FRAS1: variants seen among roughly 807,000 people sequenced by gnomAD.
FRAS1 encodes the protein extracellular matrix organizing protein FRAS1.
A neutral mutation model predicts 435.2 loss-of-function variants in FRAS1; 290 were observed. The ratio of observed to expected loss-of-function variants is 0.67; its 90% CI spans 0.61 to 0.73. The LOEUF (loss-of-function observed/expected upper bound fraction) is 0.73. Among genes scored for constraint, FRAS1 ranks in the 30% least tolerant of loss-of-function variants. FRAS1 has a pLI of 0.00. For missense variants in FRAS1, 4,860 were observed against 5,001.5 expected (o/e 0.97, Z 0.85); for synonymous variants, 1,800 against 1,851.0 (o/e 0.97, Z 0.71).
intron 18 of FRAS1, among the ~76,000 whole-genome samples, chr4:78,322,389 TGTGA>T (rs1729544410): frequency 6.6e-6 from 1 of 152,196 alleles, no homozygotes; most frequent in South Asian, 2.1e-4. Context: ...TGTGTGTGCG[TGTGA>T]GTGTGTGCGC....
chr4:78,199,775 G>A lies in FRAS1; in HGVS notation c.109-37735G>A, dbSNP rs576801379. Among the ~76,000 whole-genome samples the A allele has an allele frequency of 2.0e-5, 3 of 152,302 alleles. No homozygotes were observed. In the South Asian group the frequency reaches 6.2e-4, roughly 32 times the overall value. The stretch of plus-strand genomic sequence containing the variant: ...TGCATTAGGATCAATGATGGGCCGT[G>A]TGTAACCAGGCCCATGAGGTAACAA... On this transcript the variant is annotated intron_variant, in intron 2 of 73. Transcript: ENST00000512123.
chr4:78,109,547 C>A (rs1170471219), intron 2 of FRAS1, among the ~76,000 whole-genome samples: 1 of 139,808 alleles, frequency 7.2e-6, no homozygotes, highest in Non-Finnish European at 1.5e-5. Context: ...CAAAATTCAA[C>A]AACCCTTCAT....
At chr4:78,316,391 G>A (rs1362815466) in intron 16 of FRAS1, among the ~76,000 whole-genome samples, 1 of 152,106 alleles carries the variant, frequency 6.6e-6, no homozygotes, top group Non-Finnish European at 1.5e-5. Context: ...TCTACCTACT[G>A]TCTGTTAGTG....
chr4:78,235,491 G>T (rs1398054878), intron 2 of FRAS1, among the ~76,000 whole-genome samples: 4 of 152,168 alleles, frequency 2.6e-5, no homozygotes, highest in Admixed American at 6.5e-5. Flanking sequence ...GGAAAACAGG[G>T]TGAGAAAGTT....
chr4:78,104,003 C>T (rs954323963), intron 2 of FRAS1, among the ~76,000 whole-genome samples: 1 of 152,188 alleles, frequency 6.6e-6, no homozygotes, highest in African/African-American at 2.4e-5. Context: ...CAGTAGAATG[C>T]AACATGCACT....
At chr4:78,111,999 A>G (rs1742747918) in intron 2 of FRAS1, among the ~76,000 whole-genome samples, 1 of 152,166 alleles carries the variant, frequency 6.6e-6, no homozygotes, top group African/African-American at 2.4e-5. Context: ...TAAAAAATCC[A>G]GAAAAAAGCA....
intron 2 of FRAS1, among the ~76,000 whole-genome samples, chr4:78,076,356 C>A (rs891676769): frequency 1.1e-4 from 16 of 152,154 alleles, no homozygotes; most frequent in Non-Finnish European, 2.9e-5. Context: ...TCCTCCCCAC[C>A]ATCCTGAGGT....
At position 78,433,827 on chromosome 4, in the gene FRAS1, C is replaced by T. The variant is rs17003216; in HGVS notation, c.5217+1223C>T. On this transcript the variant is annotated intron_variant, in intron 38 of 73. Coordinates refer to ENST00000512123, the MANE Select transcript of FRAS1 (RefSeq NM_025074.7). The stretch of plus-strand genomic sequence containing the variant: ...AAATGTTTCACAGTCCAAAATAGCG[C>T]TCCAGGAGCAGTTCCTGCCCATTAA... Among the ~76,000 whole-genome samples the T allele has an allele frequency of 8.2e-3, 1,250 of 152,284 alleles. 8 individuals are homozygous for T. The highest frequency in any genetic ancestry group is 0.024 in the Middle Eastern group (7 of 294).
At chr4:78,212,881 G>C (rs915247525) in intron 2 of FRAS1, among the ~76,000 whole-genome samples, 3 of 152,238 alleles carry the variant, frequency 2.0e-5, no homozygotes, top group African/African-American at 7.2e-5. Flanking sequence ...TATCAGGGAA[G>C]CAAAGTTGAG....
intron 11 of FRAS1, among the ~76,000 whole-genome samples, 200 bp downstream of exon 11, chr4:78,281,633 A>G (rs1184867889): frequency 2.6e-5 from 4 of 152,204 alleles, no homozygotes; most frequent in Admixed American, 2.6e-4. Context: ...CAGTTGTTTT[A>G]TGCAGTTGAT....
intron 19 of FRAS1, among the ~76,000 whole-genome samples, chr4:78,334,408 G>A (rs1159256742): frequency 1.0e-4 from 12 of 115,300 alleles, no homozygotes; most frequent in Admixed American, 9.1e-4. Flanking sequence ...GTCTTGCTCC[G>A]TCACCAGGCT....
intron 2 of FRAS1, among the ~76,000 whole-genome samples, chr4:78,140,329 G>T (rs1231408600): frequency 6.6e-6 from 1 of 151,914 alleles, no homozygotes; most frequent in Non-Finnish European, 1.5e-5. Context: ...TGTTTGTAAG[G>T]ATTGGTTCCA....
At chr4:78,410,699 T>C (rs112724644) in intron 31 of FRAS1, among the ~76,000 whole-genome samples, 130 of 152,222 alleles carry the variant, frequency 8.5e-4, no homozygotes, top group Admixed American at 2.3e-3. Flanking sequence ...AGAAAAACAG[T>C]GGTGATTATT....
chr4:78,410,201 C>A (rs1476710277), intron 31 of FRAS1, among the ~76,000 whole-genome samples: 1 of 152,052 alleles, frequency 6.6e-6, no homozygotes, highest in Non-Finnish European at 1.5e-5. Context: ...TGGAGCACTT[C>A]CCTGGAAGGG....
At chr4:78,064,496 A>G (rs775920838) in intron 1 of FRAS1, among the ~76,000 whole-genome samples, 26 of 151,988 alleles carry the variant, frequency 1.7e-4, no homozygotes, top group Non-Finnish European at 3.4e-4. Context: ...GAAAGGCACA[A>G]GGGTGTCATA....
At chr4:78,099,076 C>A (rs181935433) in intron 2 of FRAS1, among the ~76,000 whole-genome samples, 20 of 152,312 alleles carry the variant, frequency 1.3e-4, no homozygotes, top group Middle Eastern at 3.4e-3. Context: ...TTCTTAAAAT[C>A]TCCTCATTGC....
chr4:78,529,469 C>T (rs1175154910), intron 70 of FRAS1, among the ~76,000 whole-genome samples: 1 of 152,146 alleles, frequency 6.6e-6, no homozygotes, highest in Non-Finnish European at 1.5e-5. Flanking sequence ...TCCAATCATA[C>T]TCCCTCTCTC....
At chr4:78,275,823 G>A (rs1210838289) in intron 9 of FRAS1, among the ~76,000 whole-genome samples, 1 of 152,112 alleles carries the variant, frequency 6.6e-6, no homozygotes, top group Non-Finnish European at 1.5e-5. Context: ...GAGTATCTTT[G>A]TGGCGTTCTC....
chr4:78,454,718 C>T (rs1457616425), intron 47 of FRAS1, among the ~76,000 whole-genome samples: 1 of 152,352 alleles, frequency 6.6e-6, no homozygotes, highest in Admixed American at 6.5e-5. Context: ...CCTCAAGGCA[C>T]TGCCATTGCC....
Sources: allele counts gnomAD v4.1 joint callset (sites outside exome capture counted in the v4.1 genomes callset), GRCh38; gene constraint gnomAD v4.1.1; transcripts MANE v1.5; gene names NCBI Gene and HGNC (gene_info 2026-07-23, HGNC 2026-07-21).